Variants in MYO9A observed in about 807,000 individuals in gnomAD.
MYO9A encodes the protein myosin IXA.
MYO9A carries 103 observed loss-of-function variants against 293.3 expected under a neutral mutation model. That is an observed-to-expected ratio of 0.35 (90% CI 0.30 to 0.41). The LOEUF (loss-of-function observed/expected upper bound fraction) is 0.41. MYO9A is among the 10% of genes least tolerant of loss of function. The pLI, the probability that MYO9A is intolerant of heterozygous loss-of-function variation, is 1.00. For missense variants in MYO9A, 2,685 were observed against 3,033.0 expected, an observed-to-expected ratio of 0.89 and a Z score of 2.69; for synonymous variants, 1,001 against 1,035.7, an observed-to-expected ratio of 0.97 and a Z score of 0.64.
chr15:71,882,549 T>C (rs568971657), intron 28 of MYO9A, among the ~76,000 whole-genome samples: 50 of 152,196 alleles, frequency 3.3e-4, no homozygotes, highest in Non-Finnish European at 4.1e-4. Flanking sequence ...GGTGGGAGGA[T>C]AGGTTGAGCC....
At chr15:72,065,694 T>G (rs957738388) in intron 1 of MYO9A, among the ~76,000 whole-genome samples, 4 of 151,786 alleles carry the variant, frequency 2.6e-5, no homozygotes, top group Non-Finnish European at 5.9e-5. Context: ...AGAAGATACC[T>G]GCAATACACA....
intron 1 of MYO9A, among the ~76,000 whole-genome samples, chr15:72,057,708 C>G (rs368241364): frequency 5.9e-5 from 9 of 152,342 alleles, no homozygotes; most frequent in African/African-American, 2.2e-4. Flanking sequence ...AAACCTACAG[C>G]TGCTGGCAGC....
At chr15:71,847,411 A>G in intron 39 of MYO9A, 2 of 454,348 alleles carry the variant, frequency 4.4e-6, no homozygotes, top group South Asian at 3.1e-5. Flanking sequence ...TTATTAATAC[A>G]TACCGAGACT....
intron 18 of MYO9A, among the ~76,000 whole-genome samples, chr15:71,917,400 T>C (rs1480127096): frequency 6.6e-6 from 1 of 152,072 alleles, no homozygotes; most frequent in Non-Finnish European, 1.5e-5. Flanking sequence ...GCAGGCATGG[T>C]GGCACGTGCC....
intron 39 of MYO9A, among the ~76,000 whole-genome samples, chr15:71,840,922 T>C (rs1328610235): frequency 1.3e-5 from 2 of 152,242 alleles, no homozygotes; most frequent in Admixed American, 1.3e-4. Context: ...TGAGCCGCCG[T>C]GCCCAGCCTT....
In MYO9A at chr15:71,905,469, T is replaced by C. The variant is rs2057603376; in HGVS notation, c.2686-463A>G. 2.0e-5 allele frequency among the ~76,000 whole-genome samples: 3 copies of C among 152,120 alleles called. No individual in the cohort carries two copies. In the South Asian group the frequency reaches 6.2e-4, roughly 32 times the overall value. ...ACATTCTCTCTTTCTTCCTGATTAGTGGCTAGAAATTTATCAACTTTTTGA... is the reference window on the plus strand; with the variant it reads ...ACATTCTCTCTTTCTTCCTGATTAGCGGCTAGAAATTTATCAACTTTTTGA... On this transcript the variant is annotated intron_variant, in intron 19 of 41. Transcript: ENST00000356056.
rs1282900383 is a variant in MYO9A, at chr15:71,898,114, A to G, written c.4389T>C (p.Thr1463=). ...EALTLDINRE[T]RRYHCSGKDQ... The stretch of plus-strand genomic sequence containing the variant: ...CTTTTCCTGAGCAGTGATACCTTCT[A>G]GTTTCCCTGTTGATATCCAAAGTAA... Residue 1463 remains threonine, a synonymous_variant, in exon 25 of 42, where the codon ACT becomes ACC. Transcript: ENST00000356056. The G allele has an allele frequency of 6.2e-7, 1 of 1,614,002 alleles. No individual in the cohort carries two copies. Among genetic ancestry groups the G allele is most frequent in the Non-Finnish European group, 8.5e-7 (1 of 1,180,004 alleles).
Position 71,959,897 on chromosome 15 carries a change from T to C in MYO9A, c.2182+4A>G. ...ATGGTAGAATACTAATAACTACTAC[T>C]TACCAGTTTTTCTGTGAATGTTTCT... On this transcript the variant is annotated splice_donor_region_variant and intron_variant, in intron 14 of 41. Transcript: ENST00000356056. The C allele has an allele frequency of 4.4e-6, 7 of 1,605,620 alleles. No individual in the cohort carries two copies. Among genetic ancestry groups the C allele is most frequent in the Non-Finnish European group, 6.0e-6 (7 of 1,173,992 alleles).
chr15:72,080,263 AAATCAACTAACAACGTACCAATC>A (rs371427170), intron 1 of MYO9A, among the ~76,000 whole-genome samples: 1,977 of 152,142 alleles, frequency 0.013, 27 homozygotes, highest in African/African-American at 0.022. Context: ...TTATGATATA[AAATCAACTAACAACGTACCAATC>A]AATAAACTAA....
At chr15:71,982,979 G>A (rs1255710562) in intron 11 of MYO9A, among the ~76,000 whole-genome samples, 1 of 151,736 alleles carries the variant, frequency 6.6e-6, no homozygotes, top group Non-Finnish European at 1.5e-5. Flanking sequence ...TTTTTCTTAA[G>A]GTTTACTAAA....
intron 1 of MYO9A, among the ~76,000 whole-genome samples, chr15:72,063,406 A>G (rs1269991198): frequency 3.3e-5 from 5 of 152,236 alleles, no homozygotes; most frequent in Non-Finnish European, 7.3e-5. Context: ...ATAGGATTAC[A>G]TCAAGTCAAA....
intron 15 of MYO9A, among the ~76,000 whole-genome samples, chr15:71,950,051 TACTTG>T (rs2059017307): frequency 6.6e-6 from 1 of 152,190 alleles, no homozygotes; most frequent in Non-Finnish European, 1.5e-5. Context: ...TTATCACTGT[TACTTG>T]TGGGAGGATT....
chr15:71,893,648 G>C (rs1022021850), intron 26 of MYO9A, 31 bp downstream of exon 26: 3 of 1,518,040 alleles, frequency 2.0e-6, no homozygotes, highest in Non-Finnish European at 2.7e-6. Context: ...CTTTTGTATA[G>C]AAGATAGATA....
intron 1 of MYO9A, among the ~76,000 whole-genome samples, chr15:72,103,226 A>C (rs2080424484): frequency 2.7e-5 from 4 of 150,904 alleles, no homozygotes; most frequent in Admixed American, 2.6e-4. Flanking sequence ...GCAGAAGCAG[A>C]AGCAGCAGCA....
chr15:71,916,598 T>G (rs1596185195), intron 18 of MYO9A, 106 bp from the exon 19 acceptor site: 1 of 1,079,338 alleles, frequency 9.3e-7, no homozygotes, highest in East Asian at 2.4e-5. Flanking sequence ...ATTTCCCATC[T>G]TAAATGACTG....
intron 6 of MYO9A, among the ~76,000 whole-genome samples, chr15:72,017,273 A>G (rs2077373324): frequency 6.6e-6 from 1 of 152,080 alleles, no homozygotes; most frequent in Non-Finnish European, 1.5e-5. Flanking sequence ...CTCAGCTTCC[A>G]GAAGTGTTGA....
intron 15 of MYO9A, among the ~76,000 whole-genome samples, chr15:71,947,272 C>A (rs1162544611): frequency 7.2e-6 from 1 of 138,254 alleles, no homozygotes; most frequent in Non-Finnish European, 1.6e-5. Context: ...ACAAGCCAGA[C>A]TCCATCTCAG....
chr15:72,081,898 A>G (rs531279165), intron 1 of MYO9A, among the ~76,000 whole-genome samples: 3 of 151,888 alleles, frequency 2.0e-5, no homozygotes, highest in Non-Finnish European at 2.9e-5. Flanking sequence ...CTATATGTCT[A>G]TTTTTGTCCC....
At chr15:72,093,533 T>C (rs2079983169) in intron 1 of MYO9A, among the ~76,000 whole-genome samples, 1 of 148,702 alleles carries the variant, frequency 6.7e-6, no homozygotes, top group Non-Finnish European at 1.5e-5. Context: ...AAAAATGACT[T>C]AGCAAATATA....
Sources: gnomAD v4.1 joint callset for allele counts (sites outside exome capture counted in the v4.1 genomes callset) on GRCh38, gnomAD v4.1.1 for gene constraint, MANE v1.5 for transcripts, NCBI Gene and HGNC (gene_info 2026-07-23, HGNC 2026-07-21) for gene names.